ABCB9: variants seen among roughly 807,000 people sequenced by gnomAD.
ABCB9 encodes ABC-type oligopeptide transporter ABCB9.
Under a neutral mutation model 62.0 loss-of-function variants are expected in ABCB9, and 36 were observed. That is an observed-to-expected ratio of 0.58 (90% CI 0.45 to 0.77). ABCB9 has a LOEUF of 0.77. Among genes scored for constraint, ABCB9 ranks in the 30% least tolerant of loss-of-function variants. ABCB9 has a pLI of 0.00. For synonymous variants in ABCB9, 435 were observed against 461.4 expected (o/e 0.94, Z 0.73); for missense variants, 943 against 1,054.7 (o/e 0.89, Z 1.47).
downstream of ABCB9, among the ~76,000 whole-genome samples, chr12:122,928,789 C>G (rs757631072): frequency 3.3e-5 from 5 of 152,176 alleles, no homozygotes; most frequent in South Asian, 8.3e-4. Flanking sequence ...GCGCAATCCC[C>G]GTGGAGACAG....
chr12:122,950,716 G>C (rs983152661), intron 2 of ABCB9, 151 bp from the exon 3 acceptor site: 2 of 619,094 alleles, frequency 3.2e-6, no homozygotes, highest in Non-Finnish European at 5.7e-6. Context: ...CCATCGTGGG[G>C]CCCCAGGGTG....
intron 10 of ABCB9, among the ~76,000 whole-genome samples, chr12:122,934,423 A>C (rs1278638644): frequency 6.6e-6 from 1 of 152,048 alleles, no homozygotes; most frequent in East Asian, 1.9e-4. Context: ...GGCTGGATAC[A>C]ATGGCTCATG....
chr12:122,957,099 T>G (rs1453034661), intron 2 of ABCB9, among the ~76,000 whole-genome samples: 1 of 151,936 alleles, frequency 6.6e-6, no homozygotes, highest in Non-Finnish European at 1.5e-5. Flanking sequence ...TGGAGGGCAG[T>G]GGCGTCATCA....
Position 122,929,601 on chromosome 12 carries a change from G to A in ABCB9, c.*310C>T. On this transcript the variant is annotated 3_prime_UTR_variant, in exon 12 of 12. Coordinates refer to ENST00000280560, the MANE Select transcript of ABCB9 (RefSeq NM_019625.4). This position sits in a 1 kb window ranked among gnomAD's most constrained non-coding sequence, Gnocchi z 6.0. ...AAAAGGTTTTTGAAATCTAGGAGTT[G>A]ACTGGGGTGCCTCAAACCAAACAGT... 8.5e-7 allele frequency: 1 copy of A among 1,183,080 alleles called. No homozygotes were observed. Among genetic ancestry groups the A allele is most frequent in the Non-Finnish European group, 1.0e-6 (1 of 956,910 alleles). The allele number at this position is 1,183,080 out of a possible 1,614,324, so 73.3% of individuals were successfully genotyped here. A position where few individuals can be genotyped will look rare whatever the true frequency, so the allele number is the denominator to read the frequency against.
At chr12:122,948,386 G>T in intron 5 of ABCB9, 1 of 436,204 alleles carries the variant, frequency 2.3e-6, no homozygotes, top group Non-Finnish European at 4.1e-6. Flanking sequence ...TCTGACACTA[G>T]ATACAAGTTC....
chr12:122,934,098 A>G (rs78401852), intron 10 of ABCB9, among the ~76,000 whole-genome samples: 1 of 152,076 alleles, frequency 6.6e-6, no homozygotes, highest in African/African-American at 2.4e-5. Context: ...ACAAAAAAAA[A>G]TTAGCAAGGT....
downstream of ABCB9, among the ~76,000 whole-genome samples, chr12:122,920,498 C>T (rs893070573): frequency 1.3e-5 from 2 of 152,174 alleles, no homozygotes; most frequent in African/African-American, 4.8e-5. Flanking sequence ...GTTCCCAGTG[C>T]TGTGCCACTT....
chr12:122,937,160 C>T (rs1222680304), intron 9 of ABCB9, among the ~76,000 whole-genome samples: 1 of 151,808 alleles, frequency 6.6e-6, no homozygotes, highest in African/African-American at 2.4e-5. Flanking sequence ...GAGTTCGAGA[C>T]CAGCCTGGCC....
chr12:122,972,034 T>A (rs980338456), intron 1 of ABCB9, among the ~76,000 whole-genome samples: 1 of 131,822 alleles, frequency 7.6e-6, no homozygotes, highest in Non-Finnish European at 1.6e-5. Flanking sequence ...TCATTCATAA[T>A]GTCTTTTTTT....
At chr12:122,939,989 G>T in intron 9 of ABCB9, 122 bp downstream of exon 9, 1 of 1,266,324 alleles carries the variant, frequency 7.9e-7, no homozygotes, top group African/African-American at 1.5e-5. Context: ...ATTGTAATTG[G>T]TGATAATTCT....
At chr12:122,973,897 T>G (rs1343115078) in intron 1 of ABCB9, among the ~76,000 whole-genome samples, 1 of 151,822 alleles carries the variant, frequency 6.6e-6, no homozygotes, top group African/African-American at 2.4e-5. Context: ...ACAAAAAAAT[T>G]AGCTGGGCGT....
At chr12:122,950,773 T>A in intron 2 of ABCB9, 1 of 524,930 alleles carries the variant, frequency 1.9e-6, no homozygotes, top group South Asian at 2.7e-5. Context: ...GGGCCTTGCA[T>A]CCACACAGCC....
upstream of ABCB9, among the ~76,000 whole-genome samples, chr12:122,970,636 C>G (rs1199691379): frequency 1.3e-5 from 2 of 152,142 alleles, no homozygotes; most frequent in African/African-American, 4.8e-5. Context: ...GATCTGATCA[C>G]TATGCATTAT....
At chr12:122,953,805 A>G (rs2036484797) in intron 2 of ABCB9, among the ~76,000 whole-genome samples, 1 of 152,018 alleles carries the variant, frequency 6.6e-6, no homozygotes. Context: ...TACAGGTGTG[A>G]GCCACCACAC....
intron 11 of ABCB9, among the ~76,000 whole-genome samples, chr12:122,931,032 GTTTGT>G (rs2035127460): frequency 6.6e-6 from 1 of 151,976 alleles, no homozygotes; most frequent in South Asian, 2.1e-4. Context: ...TTGTTTGTTT[GTTTGT>G]TTTTTCAGAT....
At position 122,932,029 on chromosome 12, in the gene ABCB9, G is replaced by T; in HGVS notation, c.2040+163C>A. On this transcript the variant is annotated intron_variant, in intron 11 of 11. Transcript: ENST00000280560. The surrounding 1 kb of genome is among the most constrained non-coding windows in gnomAD (Gnocchi z 4.7). Reference sequence around the variant, plus strand: ...GGAGGCTGGGTCCAGAGTGGCTCCTGGCTCCCCACTCTCAACACCAGGAAT... The same window carrying T: ...GGAGGCTGGGTCCAGAGTGGCTCCTTGCTCCCCACTCTCAACACCAGGAAT... The T allele has an allele frequency of 2.3e-6, 3 of 1,287,426 alleles. No individual in the cohort carries two copies. Among genetic ancestry groups the T allele is most frequent in the Non-Finnish European group, 3.2e-6 (3 of 933,642 alleles). 79.8% of individuals were successfully genotyped at this position (1,287,426 alleles called of 1,614,324 possible).
At chr12:122,960,434 A>G in intron 1 of ABCB9, 112 bp from the exon 2 acceptor site, 1 of 734,138 alleles carries the variant, frequency 1.4e-6, no homozygotes, top group Non-Finnish European at 2.2e-6. Context: ...TCTCATCTGT[A>G]AAATGGCAAT....
At chr12:122,939,862 C>T (rs1451320573) in intron 9 of ABCB9, 3 of 474,922 alleles carry the variant, frequency 6.3e-6, no homozygotes, top group Non-Finnish European at 7.3e-6. Context: ...GACGGAGTCT[C>T]ACTATGTTGT....
Position 122,932,320 on chromosome 12 carries a change from C to T in ABCB9, c.1912G>A (p.Glu638Lys). The T allele has an allele frequency of 6.4e-7, 1 of 1,550,800 alleles. No individual in the cohort carries two copies. Among genetic ancestry groups the T allele is most frequent in the Non-Finnish European group, 8.7e-7 (1 of 1,146,808 alleles). ...CCACCTGACAGCTGGGCGCCCTTCT[C>T]CCCTGTCTCTGTATGGTGGAGGCAC... ...LQDGYSTETG[E>K]KGAQLSGGQK... The change falls in exon 11 of 12, where the codon GAG becomes AAG. Residue 638 changes from glutamate (E) to lysine (K), a missense_variant. Transcript: ENST00000280560. The surrounding 1 kb of genome is among the most constrained non-coding windows in gnomAD (Gnocchi z 4.7).
Sources: allele counts gnomAD v4.1 joint callset (sites outside exome capture counted in the v4.1 genomes callset), GRCh38; gene constraint gnomAD v4.1.1; non-coding constraint Gnocchi (gnomAD v3.1); transcripts MANE v1.5; gene names NCBI Gene and HGNC (gene_info 2026-07-23, HGNC 2026-07-21).